ZNF384: variants seen among roughly 807,000 people sequenced by gnomAD.
ZNF384 encodes the protein zinc finger protein 384.
ZNF384 carries 20 observed loss-of-function variants against 65.0 expected under a neutral mutation model. That is an observed-to-expected ratio of 0.31 (90% CI 0.22 to 0.45). The LOEUF (loss-of-function observed/expected upper bound fraction) is 0.45. Ranked by LOEUF, ZNF384 falls within the 20% of genes least tolerant of loss-of-function variation. The probability of loss-of-function intolerance (pLI) is 1.00; values close to 1 mark genes in which losing one functional copy is unlikely to be tolerated. For synonymous variants in ZNF384, 310 were observed against 303.9 expected, an observed-to-expected ratio of 1.02 and a Z score of -0.21; for missense variants, 549 against 769.4, an observed-to-expected ratio of 0.71 and a Z score of 3.39.
At chr12:6,675,714 T>C (rs1286200491) in intron 7 of ZNF384, among the ~76,000 whole-genome samples, 2 of 152,190 alleles carry the variant, frequency 1.3e-5, no homozygotes, top group Non-Finnish European at 2.9e-5. Flanking sequence ...TGCAATGCAA[T>C]GGCCTTGATT....
chr12:6,686,168 T>C (rs1394794988), intron 2 of ZNF384, among the ~76,000 whole-genome samples: 1 of 152,214 alleles, frequency 6.6e-6, no homozygotes, highest in East Asian at 1.9e-4. Flanking sequence ...GAAAACAGCA[T>C]TCCCTTAACA....
rs778308400 is a variant in ZNF384, at chr12:6,667,052, A to C, written c.*662T>G. On this transcript the variant is annotated 3_prime_UTR_variant, in exon 12 of 12. Transcript: ENST00000683879. ...GCTTCAAGGAAATCCGTAAAACCATAACACACACTTCTAAGCCACCTGTGA... is the reference window on the plus strand; with the variant it reads ...GCTTCAAGGAAATCCGTAAAACCATCACACACACTTCTAAGCCACCTGTGA... 7.5e-5 allele frequency: 17 copies of C among 227,170 alleles called. No individual in the cohort carries two copies. Among genetic ancestry groups the C allele is most frequent in the South Asian group, 1.7e-4 (1 of 5,838 alleles). The allele number at this position is 227,170 out of a possible 1,614,324, so 14.1% of individuals were successfully genotyped here.
intron 11 of ZNF384, among the ~76,000 whole-genome samples, chr12:6,668,699 CTG>C (rs1407205541): frequency 7.6e-5 from 11 of 145,124 alleles, no homozygotes; most frequent in African/African-American, 2.6e-4. Flanking sequence ...CAGGGCGAGA[CTG>C]TGTCTCAAAA....
At chr12:6,677,343 T>C in intron 6 of ZNF384, 84 bp from the exon 7 acceptor site, 1 of 1,210,240 alleles carries the variant, frequency 8.3e-7, no homozygotes, top group South Asian at 1.5e-5. Flanking sequence ...CATCTGCCCC[T>C]GTCTATATCA....
At chr12:6,688,298 G>C (rs1958673182) in intron 1 of ZNF384, 72 bp from the exon 2 acceptor site, 1 of 152,596 alleles carries the variant, frequency 6.6e-6, no homozygotes, top group Non-Finnish European at 1.5e-5. Flanking sequence ...AGAACCTCAG[G>C]AATTATTTGT....
chr12:6,685,742 A>G (rs1957657765), intron 2 of ZNF384, among the ~76,000 whole-genome samples: 2 of 140,548 alleles, frequency 1.4e-5, no homozygotes, highest in Admixed American at 1.6e-4. Context: ...AGACCACTGC[A>G]CTCCAGCCTG....
In ZNF384 at chr12:6,669,816, T is replaced by G. The variant is rs569514940; in HGVS notation, c.1267-627A>C. Among the ~76,000 whole-genome samples the G allele has an allele frequency of 3.1e-4, 47 of 152,178 alleles. No individual in the cohort carries two copies. The East Asian group carries it at 4.1e-3, about 13-fold the overall frequency. ...CGCGCCCAGCCAAATCTTTTCAAAA[T>G]AATAAGACAATGTTTGCCTTTGTCT... On this transcript the variant is annotated intron_variant, in intron 10 of 11. Coordinates refer to ENST00000683879, the MANE Select transcript of ZNF384 (RefSeq NM_001385745.1).
At position 6,679,163 on chromosome 12, in the gene ZNF384, G is replaced by A; in HGVS notation, c.87C>T (p.Ile29=). The change falls in exon 4 of 12, where the codon ATC becomes ATT. Residue 29 remains isoleucine, a synonymous_variant. Coordinates refer to ENST00000683879, the MANE Select transcript of ZNF384 (RefSeq NM_001385745.1). ...GCAACAGCTGATCCTTCATCTTGTT[G>A]ATGAACATTGTGTTCTCGATCTAAG... ...VSGQIENTMF[I]NKMKDQLLPE... 6.3e-7 allele frequency: 1 copy of A among 1,590,428 alleles called. No individual in the cohort carries two copies. The highest frequency in any genetic ancestry group is 8.6e-7 in the Non-Finnish European group (1 of 1,166,306).
Position 6,666,980 on chromosome 12 carries a change from TG to T in ZNF384, c.*733del, listed in dbSNP as rs1277190273. ...CTCCCACAGCTCCTTGGGGGTGGGT[TG>T]GGGAGACTGAGAGTATAGGGTCTTT... On this transcript the variant is annotated 3_prime_UTR_variant, in exon 12 of 12. Coordinates refer to ENST00000683879, the MANE Select transcript of ZNF384 (RefSeq NM_001385745.1). 3.2e-5 allele frequency: 7 copies of T among 216,576 alleles called. No individual in the cohort carries two copies. Among genetic ancestry groups the T allele is most frequent in the Admixed American group, 1.7e-4 (3 of 17,210 alleles). 13.4% of individuals were successfully genotyped at this position (216,576 alleles called of 1,614,324 possible). A position where few individuals can be genotyped will look rare whatever the true frequency, so the allele number is the denominator to read the frequency against.
intron 2 of ZNF384, among the ~76,000 whole-genome samples, chr12:6,682,182 C>T (rs4764516): frequency 0.16 from 24,212 of 149,748 alleles, 4,730 homozygotes; most frequent in African/African-American, 0.47. Flanking sequence ...GAGGTGAGTG[C>T]GGTCGTGCAT....
chr12:6,679,423 C>G (rs2136991307), intron 3 of ZNF384, 32 bp downstream of exon 3: 2 of 1,604,632 alleles, frequency 1.2e-6, no homozygotes, highest in Non-Finnish European at 1.7e-6. Flanking sequence ...ACTACTGAGA[C>G]TTGGAGAGAG....
At position 6,673,544 on chromosome 12, in the gene ZNF384, T is replaced by C. The variant is rs1046184439; in HGVS notation, c.780-104A>G. Reference sequence around the variant, plus strand: ...AAGCCCACCTATCTGAGGTCTCTCCTACTCCAACTTGAGAGTAGAGCTCTA... The same window carrying C: ...AAGCCCACCTATCTGAGGTCTCTCCCACTCCAACTTGAGAGTAGAGCTCTA... On this transcript the variant is annotated intron_variant, in intron 7 of 11. Transcript: ENST00000683879. The surrounding 1 kb of genome is among the most constrained non-coding windows in gnomAD (Gnocchi z 4.7). The C allele has an allele frequency of 6.5e-5, 59 of 907,454 alleles. No homozygotes were observed. In the Middle Eastern group the frequency reaches 8.7e-4, roughly 13 times the overall value. The allele number at this position is 907,454 out of a possible 1,614,324, so 56.2% of individuals were successfully genotyped here.
At chr12:6,683,204 T>C (rs1461896718) in intron 2 of ZNF384, among the ~76,000 whole-genome samples, 2 of 151,420 alleles carry the variant, frequency 1.3e-5, no homozygotes, top group Non-Finnish European at 2.9e-5. Flanking sequence ...GGCAGGAGAA[T>C]TGCTTGAACC....
intron 2 of ZNF384, among the ~76,000 whole-genome samples, chr12:6,684,922 C>T (rs1295783976): frequency 6.6e-6 from 1 of 152,168 alleles, no homozygotes; most frequent in Admixed American, 6.5e-5. Flanking sequence ...CTCTATCTTT[C>T]GTGGAGGAAA....
Position 6,672,562 on chromosome 12 carries a change from A to G in ZNF384, c.1005-30T>C, listed in dbSNP as rs1311498974. On this transcript the variant is annotated intron_variant, in intron 8 of 11. Coordinates refer to ENST00000683879, the MANE Select transcript of ZNF384 (RefSeq NM_001385745.1). This position sits in a 1 kb window ranked among gnomAD's most constrained non-coding sequence, Gnocchi z 4.4. ...CGGAGAGGAGAGGAGGGAAGGGGGG[A>G]GGAGGAAGCAGTTCGACACCAGGGG... 6.2e-7 allele frequency: 1 copy of G among 1,605,930 alleles called. No individual in the cohort carries two copies. The highest frequency in any genetic ancestry group is 1.7e-5 in the Admixed American group (1 of 59,338).
chr12:6,670,915 GC>G, intron 9 of ZNF384, 77 bp from the exon 10 acceptor site: 1 of 1,327,252 alleles, frequency 7.5e-7, no homozygotes, highest in Non-Finnish European at 1.1e-6. Flanking sequence ...TCTTCTCCAG[GC>G]CCATCCTGCT....
intron 10 of ZNF384, among the ~76,000 whole-genome samples, chr12:6,669,936 G>A (rs1432533384): frequency 7.2e-5 from 10 of 138,458 alleles, no homozygotes; most frequent in East Asian, 5.8e-4. Context: ...ACGCACACGC[G>A]CGCGCGCACA....
In ZNF384 at chr12:6,668,194, G is replaced by C. The variant is rs1592355069; in HGVS notation, c.1426-79C>G. The C allele has an allele frequency of 2.2e-6, 3 of 1,390,674 alleles. No homozygotes were observed. In the East Asian group the frequency reaches 6.9e-5, roughly 32 times the overall value. The allele number at this position is 1,390,674 out of a possible 1,614,324, so 86.1% of individuals were successfully genotyped here. ...ACTTGTAACTAGCACCCCAGGCTCT[G>C]ATTCTGCTGTAAGCAGAGTAAGCTT... On this transcript the variant is annotated intron_variant, in intron 11 of 11. Coordinates refer to ENST00000683879, the MANE Select transcript of ZNF384 (RefSeq NM_001385745.1).
At chr12:6,668,388 C>A (rs1950308805) in intron 11 of ZNF384, among the ~76,000 whole-genome samples, 1 of 152,024 alleles carries the variant, frequency 6.6e-6, no homozygotes, top group Non-Finnish European at 1.5e-5. Context: ...ACTTTACAAC[C>A]TTTTCTGGAG....
Sources: gnomAD v4.1 joint callset for allele counts (sites outside exome capture counted in the v4.1 genomes callset) on GRCh38, gnomAD v4.1.1 for gene constraint, Gnocchi (gnomAD v3.1) non-coding constraint, MANE v1.5 for transcripts, NCBI Gene and HGNC (gene_info 2026-07-23, HGNC 2026-07-21) for gene names.